Variants in PCGF6 observed in about 807,000 individuals in gnomAD.
PCGF6 encodes polycomb group ring finger 6.
A neutral mutation model predicts 45.5 loss-of-function variants in PCGF6; 24 were observed. The observed-to-expected ratio is 0.53, with a 90% CI of 0.38 to 0.74. PCGF6 has a LOEUF of 0.74. PCGF6 is among the 30% of genes least tolerant of loss of function. The pLI is 0.00. For synonymous variants in PCGF6, 152 were observed against 162.1 expected, an observed-to-expected ratio of 0.94 and a Z score of 0.47; for missense variants, 356 against 443.2, an observed-to-expected ratio of 0.80 and a Z score of 1.77.
At chr10:103,318,557 A>G (rs2133564712) in intron 8 of PCGF6, among the ~76,000 whole-genome samples, 1 of 152,112 alleles carries the variant, frequency 6.6e-6, no homozygotes, top group East Asian at 1.9e-4. Flanking sequence ...AGCCTGGCCA[A>G]GATGGTAAAA....
At chr10:103,335,548 A>G (rs1014798996) in intron 6 of PCGF6, among the ~76,000 whole-genome samples, 3 of 152,034 alleles carry the variant, frequency 2.0e-5, no homozygotes, top group Non-Finnish European at 4.4e-5. Flanking sequence ...TTTTTAGTAT[A>G]GACGGGGTTT....
At chr10:103,332,366 A>G (rs2093243246) in intron 7 of PCGF6, among the ~76,000 whole-genome samples, 1 of 152,114 alleles carries the variant, frequency 6.6e-6, no homozygotes, top group Admixed American at 6.6e-5. Context: ...TGCAGCCTCA[A>G]TCTCCTAGGC....
intron 5 of PCGF6, among the ~76,000 whole-genome samples, chr10:103,346,556 G>A (rs376952529): frequency 3.3e-5 from 5 of 152,204 alleles, no homozygotes; most frequent in South Asian, 2.1e-4. Flanking sequence ...CCCAGAAGGC[G>A]GAGGTTGCAG....
At chr10:103,312,707 A>T (rs2093161631) in intron 9 of PCGF6, 1 of 152,274 alleles carries the variant, frequency 6.6e-6, no homozygotes, top group Non-Finnish European at 1.5e-5. Flanking sequence ...CACACCTGTA[A>T]TCCCAGCACT....
At chr10:103,329,347 C>A (rs1236099724) in intron 7 of PCGF6, among the ~76,000 whole-genome samples, 2 of 150,570 alleles carry the variant, frequency 1.3e-5, no homozygotes, top group Non-Finnish European at 3.0e-5. Context: ...GCCCCAATTT[C>A]TTAAACCTAG....
intron 6 of PCGF6, among the ~76,000 whole-genome samples, chr10:103,341,055 C>A (rs2093278761): frequency 6.6e-6 from 1 of 151,804 alleles, no homozygotes; most frequent in African/African-American, 2.4e-5. Flanking sequence ...CATGGCGAAA[C>A]CCTGTCTCTA....
At chr10:103,339,747 A>G (rs1191538318) in intron 6 of PCGF6, among the ~76,000 whole-genome samples, 1 of 150,572 alleles carries the variant, frequency 6.6e-6, no homozygotes, top group African/African-American at 2.4e-5. Flanking sequence ...CAGTAAGCCA[A>G]GATCGCGCCA....
At chr10:103,350,487 T>C (rs1247250085) in intron 1 of PCGF6, among the ~76,000 whole-genome samples, 1 of 152,166 alleles carries the variant, frequency 6.6e-6, no homozygotes, top group Non-Finnish European at 1.5e-5. Flanking sequence ...CTAAGTGACC[T>C]GCAAGAACTT....
chr10:103,314,352 A>G, intron 8 of PCGF6, 80 bp from the exon 9 acceptor site: 1 of 875,694 alleles, frequency 1.1e-6, no homozygotes, highest in Non-Finnish European at 1.8e-6. Flanking sequence ...AAATCAACAT[A>G]AATTGTTTCC....
At chr10:103,332,791 C>A (rs1000716884) in intron 7 of PCGF6, among the ~76,000 whole-genome samples, 1 of 152,106 alleles carries the variant, frequency 6.6e-6, no homozygotes, top group African/African-American at 2.4e-5. Context: ...TGTTTTACAA[C>A]TTAGAAGAGG....
chr10:103,347,346 T>G, intron 4 of PCGF6, 49 bp from the exon 5 acceptor site: 1 of 1,587,182 alleles, frequency 6.3e-7, no homozygotes, highest in African/African-American at 1.3e-5. Flanking sequence ...ATGTAACTAC[T>G]AGAGTCAGAG....
chr10:103,343,217 C>T (rs1445727766), intron 6 of PCGF6, among the ~76,000 whole-genome samples: 1 of 151,794 alleles, frequency 6.6e-6, no homozygotes. Flanking sequence ...CGTGAGCCAC[C>T]GCGCCCGGCC....
At chr10:103,350,175 C>T (rs1035521687) in intron 1 of PCGF6, among the ~76,000 whole-genome samples, 1 of 151,724 alleles carries the variant, frequency 6.6e-6, no homozygotes, top group Non-Finnish European at 1.5e-5. Flanking sequence ...ACGTGGCTCA[C>T]GCATGTAATC....
intron 9 of PCGF6, among the ~76,000 whole-genome samples, chr10:103,310,266 A>G (rs1287164101): frequency 6.6e-6 from 1 of 150,880 alleles, no homozygotes; most frequent in Admixed American, 6.6e-5. Flanking sequence ...CATGTCTTAA[A>G]AAAAAAAAAA....
intron 5 of PCGF6, among the ~76,000 whole-genome samples, chr10:103,345,625 C>T (rs1217551938): frequency 9.2e-5 from 14 of 151,508 alleles, no homozygotes; most frequent in Admixed American, 6.6e-4. Context: ...GTCAGGAGTT[C>T]GAGACCAGCC....
chr10:103,345,210 A>G (rs2093294974), intron 5 of PCGF6, 78 bp from the exon 6 acceptor site: 2 of 983,254 alleles, frequency 2.0e-6, no homozygotes, highest in South Asian at 2.9e-5. Context: ...ATACACAAGT[A>G]TTATAATTAT....
chr10:103,335,574 G>A (rs1481632534), intron 6 of PCGF6, among the ~76,000 whole-genome samples: 1 of 151,948 alleles, frequency 6.6e-6, no homozygotes, highest in Non-Finnish European at 1.5e-5. Flanking sequence ...TGTTGTTCAG[G>A]ATGGCCTCGA....
intron 6 of PCGF6, among the ~76,000 whole-genome samples, chr10:103,336,595 C>T (rs1404564089): frequency 6.6e-6 from 1 of 152,110 alleles, no homozygotes; most frequent in Non-Finnish European, 1.5e-5. Flanking sequence ...TTGCTTGCGG[C>T]CAGGTGCAGT....
intron 8 of PCGF6, among the ~76,000 whole-genome samples, chr10:103,319,913 C>T (rs1459908360): frequency 6.6e-6 from 1 of 152,164 alleles, no homozygotes; most frequent in Non-Finnish European, 1.5e-5. Context: ...TCATGTGATT[C>T]TCCTGCCTCA....
Sources: gnomAD v4.1 joint callset for allele counts (sites outside exome capture counted in the v4.1 genomes callset) on GRCh38, gnomAD v4.1.1 for gene constraint, MANE v1.5 for transcripts, NCBI Gene and HGNC (gene_info 2026-07-23, HGNC 2026-07-21) for gene names.